GSE1: variants seen among roughly 807,000 people sequenced by gnomAD.
GSE1 encodes Gse1 coiled-coil protein.
Under a neutral mutation model 112.6 loss-of-function variants are expected in GSE1, and 32 were observed. That is an observed-to-expected ratio of 0.28 (90% confidence interval 0.21 to 0.38). The LOEUF is 0.38. Ranked by LOEUF, GSE1 falls within the 10% of genes least tolerant of loss-of-function variation. The probability of loss-of-function intolerance (pLI) is 1.00; values close to 1 mark genes in which losing one functional copy is unlikely to be tolerated. For missense variants in GSE1, 2,348 were observed against 1,699.2 expected, an observed-to-expected ratio of 1.38 and a Z score of -6.71; for synonymous variants, 1,115 against 735.6, an observed-to-expected ratio of 1.52 and a Z score of -8.35.
exon 1 of GSE1, chr16:85,171,291 C>T: frequency 2.0e-6 from 2 of 985,582 alleles, no homozygotes; most frequent in Non-Finnish European, 2.4e-6. Flanking sequence ...AGGGCGGCCC[C>T]GTGTCCATCT....
At chr16:85,252,090 G>A (rs1906547584) in intron 1 of GSE1, among the ~76,000 whole-genome samples, 1 of 152,220 alleles carries the variant, frequency 6.6e-6, no homozygotes, top group South Asian at 2.1e-4. Flanking sequence ...CGGAGACCCA[G>A]GGCTGACTCC....
chr16:85,287,887 G>A (rs2045085742), intron 1 of GSE1, among the ~76,000 whole-genome samples: 1 of 152,166 alleles, frequency 6.6e-6, no homozygotes, highest in South Asian at 2.1e-4. Context: ...TCAGAATAAT[G>A]CCTGCGCACA....
chr16:85,473,779 AG>A (rs199663219), intron 2 of GSE1, among the ~76,000 whole-genome samples: 4 of 151,590 alleles, frequency 2.6e-5, no homozygotes, highest in African/African-American at 9.7e-5. Flanking sequence ...TGCGGGGCGG[AG>A]GGGGGGTCAC....
rs1365235468 is a variant in GSE1, at chr16:85,502,202, G to A, written c.2465-131712G>A. ...TTGGGACAGCCAGGGGGACCATATG[G>A]GCTGCGTCCCGAGAGAGCCTTGGTG... On this transcript the variant is annotated intron_variant, in intron 2 of 2. Transcript: ENST00000637419. 2.6e-5 allele frequency among the ~76,000 whole-genome samples: 4 copies of A among 152,208 alleles called. No individual in the cohort carries two copies. In the East Asian group the frequency reaches 7.7e-4, roughly 29 times the overall value.
intron 2 of GSE1, among the ~76,000 whole-genome samples, chr16:85,448,816 G>C (rs1055502690): frequency 6.6e-6 from 1 of 152,202 alleles, no homozygotes; most frequent in Non-Finnish European, 1.5e-5. Context: ...GCTAACAGGT[G>C]AGCCCTTCCC....
At chr16:85,333,941 G>C (rs1239895924) in intron 1 of GSE1, among the ~76,000 whole-genome samples, 1 of 152,214 alleles carries the variant, frequency 6.6e-6, no homozygotes, top group African/African-American at 2.4e-5. Flanking sequence ...AGGATGCTGA[G>C]CTACGCCTTT....
chr16:85,622,722 A>T (rs190922775), intron 1 of GSE1, among the ~76,000 whole-genome samples: 13 of 152,088 alleles, frequency 8.5e-5, no homozygotes, highest in Non-Finnish European at 1.8e-4. Flanking sequence ...TTCAGGGGAG[A>T]CCTACCTTGG....
chr16:85,195,258 G>C (rs938128782), intron 1 of GSE1, among the ~76,000 whole-genome samples: 5 of 152,176 alleles, frequency 3.3e-5, no homozygotes, highest in African/African-American at 4.8e-5. Flanking sequence ...TATTTGGAGC[G>C]GGGGTGAACG....
intron 2 of GSE1, among the ~76,000 whole-genome samples, chr16:85,482,074 G>C (rs978596362): frequency 3.3e-5 from 5 of 152,252 alleles, no homozygotes; most frequent in African/African-American, 1.2e-4. Flanking sequence ...GAAGGGAGCC[G>C]CTGTTGTGGA....
At chr16:85,620,666 G>C (rs934364119) in intron 1 of GSE1, among the ~76,000 whole-genome samples, 1 of 152,284 alleles carries the variant, frequency 6.6e-6, no homozygotes, top group Non-Finnish European at 1.5e-5. Context: ...CTTGTGGAAT[G>C]CCTGGGCTGG....
Position 85,668,230 on chromosome 16 carries a change from C to A in GSE1, c.3221C>A (p.Ala1074Asp). Residue 1074 changes from alanine to aspartate, a missense_variant, in exon 14 of 16, where the codon GCC becomes GAC. Physicochemically the swap from Ala to Asp is moderately radical, Grantham distance 126. Coordinates refer to ENST00000253458, the MANE Select transcript of GSE1 (RefSeq NM_014615.5). ...CCTGAGCTGCAGTCCTCCAGCCGCGCCCCTCCACCCCAGCACAATGGGCAG... is the reference window on the plus strand; with the variant it reads ...CCTGAGCTGCAGTCCTCCAGCCGCGACCCTCCACCCCAGCACAATGGGCAG... ...NIPELQSSSR[A>D]PPPQHNGQQE... 6.2e-7 allele frequency: 1 copy of A among 1,609,768 alleles called. No individual in the cohort carries two copies. The highest frequency in any genetic ancestry group is 8.5e-7 in the Non-Finnish European group (1 of 1,176,104).
At chr16:85,325,176 C>T (rs943239955) in intron 1 of GSE1, among the ~76,000 whole-genome samples, 16 of 152,200 alleles carry the variant, frequency 1.1e-4, no homozygotes, top group African/African-American at 3.6e-4. Context: ...CACTGTGTTC[C>T]CAGGCTGGTC....
intron 14 of GSE1, 33 bp downstream of exon 14, chr16:85,668,457 G>A (rs761729902): frequency 1.2e-5 from 16 of 1,326,826 alleles, no homozygotes; most frequent in Middle Eastern, 2.6e-4. Context: ...GGGGGAGGGG[G>A]TCAGGAAAGT....
At chr16:85,559,116 C>T (rs537659566) in intron 1 of GSE1, among the ~76,000 whole-genome samples, 2 of 152,296 alleles carry the variant, frequency 1.3e-5, no homozygotes, top group East Asian at 3.9e-4. Context: ...CTTTGGGCTC[C>T]CACCTTGGGC....
intron 1 of GSE1, among the ~76,000 whole-genome samples, chr16:85,240,561 G>C (rs1210555967): frequency 1.3e-5 from 2 of 152,248 alleles, no homozygotes; most frequent in African/African-American, 4.8e-5. Context: ...GAGGCTCTCT[G>C]AGCCTCACCT....
chr16:85,472,261 T>C (rs2050318081), intron 2 of GSE1, among the ~76,000 whole-genome samples: 1 of 152,184 alleles, frequency 6.6e-6, no homozygotes, highest in African/African-American at 2.4e-5. Flanking sequence ...TTGATAGCTT[T>C]ACAGACCAGG....
intron 1 of GSE1, among the ~76,000 whole-genome samples, chr16:85,269,764 G>C (rs1286089770): frequency 1.3e-5 from 2 of 149,330 alleles, no homozygotes; most frequent in African/African-American, 4.8e-5. Context: ...CTCTGCAGCA[G>C]GTCTGCTGGG....
rs2152037928 is a variant in GSE1 at position 85,673,740 on chromosome 16, G to A, written c.*1201G>A. The A allele has an allele frequency of 6.6e-6, 1 of 152,314 alleles. No individual in the cohort carries two copies. The highest frequency in any genetic ancestry group is 2.4e-5 in the African/African-American group (1 of 41,556). 9.4% of individuals were successfully genotyped at this position (152,314 alleles called of 1,614,324 possible). A position where few individuals can be genotyped will look rare whatever the true frequency, so the allele number is the denominator to read the frequency against. ...AGCAAATATTACCCATTGCTATCAA[G>A]GGAGGAGGGGGTAGTCTGTAGAACC... On this transcript the variant is annotated 3_prime_UTR_variant, in exon 16 of 16. Transcript: ENST00000253458.
chr16:85,293,648 G>A (rs1424957817), intron 1 of GSE1, among the ~76,000 whole-genome samples: 1 of 152,166 alleles, frequency 6.6e-6, no homozygotes, highest in Non-Finnish European at 1.5e-5. Context: ...TCAGCGGGAC[G>A]GCTTCCTTCT....
Sources: gnomAD v4.1 joint callset for allele counts (sites outside exome capture counted in the v4.1 genomes callset) on GRCh38, gnomAD v4.1.1 for gene constraint, MANE v1.5 for transcripts, NCBI Gene and HGNC (gene_info 2026-07-23, HGNC 2026-07-21) for gene names.